The following ARHGEF9 variants were observed in gnomAD, a reference collection of about 807,000 sequenced individuals.
The protein encoded by ARHGEF9 is Cdc42 guanine nucleotide exchange factor 9.
ARHGEF9 carries 2 observed loss-of-function variants against 41.3 expected under a neutral mutation model. The ratio of observed to expected loss-of-function variants is 0.05; its 90% confidence interval spans 0.02 to 0.15. The LOEUF (loss-of-function observed/expected upper bound fraction) is 0.15, where lower values mean the gene tolerates loss of function less well. ARHGEF9 is among the 10% of genes least tolerant of loss of function. ARHGEF9 has a pLI of 1.00. For synonymous variants in ARHGEF9, 160 were observed against 154.4 expected, an observed-to-expected ratio of 1.04 and a Z score of -0.27; for missense variants, 225 against 424.7, an observed-to-expected ratio of 0.53 and a Z score of 4.13.
Position 63,635,612 on chromosome X carries a change from C to T in ARHGEF9, c.*2416G>A, listed in dbSNP as rs1195467830. On this transcript the variant is annotated 3_prime_UTR_variant, in exon 10 of 10. Transcript: ENST00000671741. ...TTTCTTGTTGTTCACAAATTAGTGG[C>T]ATCAGGTGATGCCAGTGGGTTCAGT... The T allele has an allele frequency of 3.5e-5, 14 of 394,457 alleles. No homozygotes were observed. In the African/African-American group the frequency reaches 3.7e-4, roughly 10 times the overall value. 32.5% of individuals were successfully genotyped at this position (394,457 alleles called of 1,213,427 possible). A position where few individuals can be genotyped will look rare whatever the true frequency, so the allele number is the denominator to read the frequency against.
intron 1 of ARHGEF9, among the ~76,000 whole-genome samples, chrX:63,772,024 C>A (rs1249716917): frequency 2.7e-5 from 3 of 111,815 alleles, no homozygotes; most frequent in Non-Finnish European, 5.6e-5. Flanking sequence ...CTGTGTGAGC[C>A]AATTCCTTAA....
chrX:63,655,081 T>A (rs782073849), intron 8 of ARHGEF9, among the ~76,000 whole-genome samples: 1 of 112,752 alleles, frequency 8.9e-6, no homozygotes, highest in African/African-American at 3.2e-5. Context: ...GCATATTATT[T>A]GAATCTACAG....
chrX:63,692,862 T>C (rs1226085452), intron 4 of ARHGEF9, among the ~76,000 whole-genome samples: 1 of 112,118 alleles, frequency 8.9e-6, no homozygotes, highest in Non-Finnish European at 1.9e-5. Context: ...ATATACACAA[T>C]GGAATATTAT....
intron 1 of ARHGEF9, among the ~76,000 whole-genome samples, chrX:63,781,798 T>C (rs782380545): frequency 8.9e-6 from 1 of 112,137 alleles, no homozygotes; most frequent in Non-Finnish European, 1.9e-5. Flanking sequence ...GTGGCTGTTT[T>C]CTCTCTGATT....
At chrX:63,693,819 G>C (rs2051544129) in intron 4 of ARHGEF9, among the ~76,000 whole-genome samples, 1 of 109,810 alleles carries the variant, frequency 9.1e-6, no homozygotes, top group Admixed American at 9.8e-5. Flanking sequence ...CATTGGAAAT[G>C]TAAATTAAAA....
Position 63,706,437 on chromosome X carries a change from G to T in ARHGEF9, c.223C>A (p.Gln75Lys). 2 of 1,206,005 alleles carry T rather than the reference G, an allele frequency of 1.7e-6. No individual in the cohort carries two copies. The highest frequency in any genetic ancestry group is 3.6e-5 in the South Asian group (2 of 55,839). The change falls in exon 3 of 10, where the codon CAG (glutamine) becomes AAG (lysine). Residue 75 changes from glutamine to lysine, a missense_variant. By Grantham distance (53) the Gln-to-Lys change is moderately conservative. Coordinates refer to ENST00000671741, the MANE Select transcript of ARHGEF9 (RefSeq NM_001353921.2). ...PASFVRLWVN[Q>K]EDEVEEGPSD... ...GGCCCCTCCTCCACCTCATCCTCCT[G>T]GTTCACCCAGAGCTGTGGAAGCAGG...
chrX:63,785,209 A>G lies in ARHGEF9; in HGVS notation c.-64T>C, dbSNP rs2056442989. The G allele has an allele frequency of 7.1e-6, 8 of 1,120,734 alleles. No homozygotes were observed. Among genetic ancestry groups the G allele is most frequent in the Non-Finnish European group, 8.4e-6 (7 of 836,482 alleles). 92.4% of individuals were successfully genotyped at this position (1,120,734 alleles called of 1,213,427 possible). A position where few individuals can be genotyped will look rare whatever the true frequency, so the allele number is the denominator to read the frequency against. On this transcript the variant is annotated 5_prime_UTR_variant, in exon 1 of 10. Coordinates refer to ENST00000671741, the MANE Select transcript of ARHGEF9 (RefSeq NM_001353921.2). ...TGGCGCGAGTTGTCGCGGGCTGACTAGAAGGGCTGGGCTGAAGCAAGCGAG... is the reference window on the plus strand; with the variant it reads ...TGGCGCGAGTTGTCGCGGGCTGACTGGAAGGGCTGGGCTGAAGCAAGCGAG...
At chrX:63,716,750 A>G in intron 2 of ARHGEF9, among the ~76,000 whole-genome samples, 1 of 110,740 alleles carries the variant, frequency 9.0e-6, no homozygotes, top group African/African-American at 3.3e-5. Context: ...CTGATGCTAC[A>G]CTCTACCTAC....
intron 1 of ARHGEF9, chrX:63,767,147 G>A (rs1278983106): frequency 1.1e-6 from 1 of 894,904 alleles, no homozygotes; most frequent in Non-Finnish European, 1.6e-6. Context: ...TGACAAAGCA[G>A]CTGACAGAAA....
chrX:63,656,476 G>A (rs1469690329), intron 7 of ARHGEF9: 4 of 110,977 alleles, frequency 3.6e-5, no homozygotes, highest in African/African-American at 1.3e-4. Flanking sequence ...TCCATGCATG[G>A]CATTTTTATT....
chrX:63,658,622 T>C (rs2049019843), intron 7 of ARHGEF9, among the ~76,000 whole-genome samples: 1 of 111,938 alleles, frequency 8.9e-6, no homozygotes. Flanking sequence ...GTCCACCAAA[T>C]ACAGCCCTGA....
At chrX:63,738,694 G>T (rs2054763490) in intron 1 of ARHGEF9, among the ~76,000 whole-genome samples, 1 of 111,379 alleles carries the variant, frequency 9.0e-6, no homozygotes, top group African/African-American at 3.3e-5. Context: ...ATTGGATTAG[G>T]CTCCCACAGC....
intron 8 of ARHGEF9, among the ~76,000 whole-genome samples, chrX:63,648,348 C>G (rs1427014221): frequency 1.8e-5 from 2 of 111,008 alleles, no homozygotes; most frequent in Admixed American, 9.6e-5. Context: ...TCCAGCCAAA[C>G]TAAGCTTCAT....
chrX:63,695,964 G>T (rs1355926087), intron 4 of ARHGEF9, among the ~76,000 whole-genome samples: 1 of 111,642 alleles, frequency 9.0e-6, no homozygotes, highest in Non-Finnish European at 1.9e-5. Flanking sequence ...TGACTCCATT[G>T]GGGGATGGAC....
At chrX:63,726,327 C>G (rs2053962331) in intron 1 of ARHGEF9, among the ~76,000 whole-genome samples, 1 of 111,911 alleles carries the variant, frequency 8.9e-6, no homozygotes, top group South Asian at 3.8e-4. Context: ...TATTACCATT[C>G]ATTCATTCAT....
At chrX:63,638,396 A>T (rs1445950455) in intron 9 of ARHGEF9, among the ~76,000 whole-genome samples, 187 bp from the exon 10 acceptor site, 1 of 112,011 alleles carries the variant, frequency 8.9e-6, no homozygotes, top group Non-Finnish European at 1.9e-5. Context: ...CATGGCTACT[A>T]TTGCAACCCT....
At position 63,707,881 on chromosome X, in the gene ARHGEF9, A is replaced by G. The variant is rs1260544973; in HGVS notation, c.211-1432T>C. 2.7e-5 allele frequency among the ~76,000 whole-genome samples: 3 copies of G among 111,835 alleles called. No homozygotes were observed. In the East Asian group the frequency reaches 8.5e-4, roughly 32 times the overall value. On this transcript the variant is annotated intron_variant, in intron 2 of 9. Coordinates refer to ENST00000671741, the MANE Select transcript of ARHGEF9 (RefSeq NM_001353921.2). ...ACTCAGTGAACTTAGAGATGTCACCAGCGTATATCTCACTGAATTGTCACA... is the reference window on the plus strand; with the variant it reads ...ACTCAGTGAACTTAGAGATGTCACCGGCGTATATCTCACTGAATTGTCACA...
At chrX:63,764,222 C>G (rs2056079833) in intron 1 of ARHGEF9, among the ~76,000 whole-genome samples, 1 of 112,571 alleles carries the variant, frequency 8.9e-6, no homozygotes, top group Non-Finnish European at 1.9e-5. Context: ...GAAAAAAGCT[C>G]AACAATACTG....
At chrX:63,730,167 C>T (rs1256474497) in intron 1 of ARHGEF9, among the ~76,000 whole-genome samples, 3 of 111,450 alleles carry the variant, frequency 2.7e-5, no homozygotes, top group African/African-American at 9.8e-5. Context: ...ATGGGAAAGA[C>T]AGAAGGAAAG....
Sources: allele counts gnomAD v4.1 joint callset (sites outside exome capture counted in the v4.1 genomes callset), GRCh38; gene constraint gnomAD v4.1.1; transcripts MANE v1.5; gene names NCBI Gene and HGNC (gene_info 2026-07-23, HGNC 2026-07-21).